Variants in CDH6 observed in about 807,000 individuals in gnomAD.
CDH6 encodes the protein cadherin 6, also known as cadherin-6.
A neutral mutation model predicts 78.0 loss-of-function variants in CDH6; 31 were observed. That is an observed-to-expected ratio of 0.40 (90% CI 0.30 to 0.54). CDH6 has a LOEUF of 0.54. Ranked by LOEUF, CDH6 falls within the 20% of genes least tolerant of loss-of-function variation. The probability of loss-of-function intolerance (pLI) is 0.56; values close to 1 mark genes in which losing one functional copy is unlikely to be tolerated. For synonymous variants in CDH6, 376 were observed against 368.8 expected (o/e 1.02, Z -0.23); for missense variants, 724 against 975.9 (o/e 0.74, Z 3.44).
intron 1 of CDH6, among the ~76,000 whole-genome samples, chr5:31,252,359 A>G (rs1741934479): frequency 1.2e-5 from 1 of 81,300 alleles, no homozygotes; most frequent in Non-Finnish European, 2.7e-5. Context: ...GTGTATTTTT[A>G]TTAATCATAA....
In CDH6 at chr5:31,327,559, C is replaced by G. The variant is rs1738648876; in HGVS notation, c.*4251C>G. The G allele has an allele frequency of 5.1e-6, 1 of 194,622 alleles. No homozygotes were observed. The highest frequency in any genetic ancestry group is 6.1e-5 in the Admixed American group (1 of 16,384). 12.1% of individuals were successfully genotyped at this position (194,622 alleles called of 1,614,324 possible). ...TACTGTGTTTAAATTAACACCACAA[C>G]CTTCCTTATCAGATTATAAGAGTAG... On this transcript the variant is annotated 3_prime_UTR_variant, in exon 12 of 12. Coordinates refer to ENST00000265071, the MANE Select transcript of CDH6 (RefSeq NM_004932.4).
intron 1 of CDH6, chr5:31,251,840 A>T (rs1413591803): frequency 6.6e-6 from 1 of 152,216 alleles, no homozygotes; most frequent in African/African-American, 2.4e-5. Context: ...TTATAAATAA[A>T]TGTCAAGTTT....
chr5:31,318,367 T>G (rs1738388264), intron 11 of CDH6: 1 of 295,888 alleles, frequency 3.4e-6, no homozygotes, highest in East Asian at 4.9e-5. Context: ...GACTTTTCTC[T>G]CATCCTAGAA....
intron 7 of CDH6, among the ~76,000 whole-genome samples, chr5:31,309,248 G>A (rs181460458): frequency 6.6e-6 from 1 of 152,132 alleles, no homozygotes; most frequent in Admixed American, 6.5e-5. Context: ...AATGGCCTGT[G>A]ATAATTGAAT....
At chr5:31,252,328 G>GTGT (rs1554006112) in intron 1 of CDH6, among the ~76,000 whole-genome samples, 2 of 148,924 alleles carry the variant, frequency 1.3e-5, no homozygotes, top group Admixed American at 6.7e-5. Context: ...ATGTGTGTGT[G>GTGT]GTGTGTGTGT....
chr5:31,302,343 T>A (rs1737788815), intron 6 of CDH6, 45 bp downstream of exon 6: 1 of 1,413,136 alleles, frequency 7.1e-7, no homozygotes. Context: ...CCCATTTACT[T>A]TTCTCCAGTT....
At position 31,323,851 on chromosome 5, in the gene CDH6, A is replaced by G. The variant is rs913201356; in HGVS notation, c.*543A>G. On this transcript the variant is annotated 3_prime_UTR_variant, in exon 12 of 12. Coordinates refer to ENST00000265071, the MANE Select transcript of CDH6 (RefSeq NM_004932.4). ...TCAAGAACTTTCTCTGCCATCAACT[A>G]CTATTCAAAACCTCAAATCCACCCA... The G allele has an allele frequency of 1.3e-5, 3 of 230,260 alleles. No homozygotes were observed. The highest frequency in any genetic ancestry group is 6.6e-5 in the African/African-American group (3 of 45,200). 14.3% of individuals were successfully genotyped at this position (230,260 alleles called of 1,614,324 possible). A position where few individuals can be genotyped will look rare whatever the true frequency, so the allele number is the denominator to read the frequency against.
At chr5:31,295,285 C>T (rs147612301) in intron 3 of CDH6, among the ~76,000 whole-genome samples, 24 of 152,184 alleles carry the variant, frequency 1.6e-4, no homozygotes, top group Non-Finnish European at 2.6e-4. Flanking sequence ...TTCTTCACTG[C>T]TTATAGCAGC....
Position 31,205,726 on chromosome 5 carries a change from T to C in CDH6, c.-129+11840T>C, listed in dbSNP as rs572762629. On this transcript the variant is annotated intron_variant, in intron 1 of 11. Transcript: ENST00000265071. ...ATAAAACAATTGCTTATTTGCTAAGTGAATGACTTTTTTTTGCCTCTCATC... is the reference window on the plus strand; with the variant it reads ...ATAAAACAATTGCTTATTTGCTAAGCGAATGACTTTTTTTTGCCTCTCATC... 3.9e-4 allele frequency among the ~76,000 whole-genome samples: 60 copies of C among 152,338 alleles called. 1 individual carries two copies. The highest frequency in any genetic ancestry group is 1.4e-3 in the African/African-American group (59 of 41,584).
intron 2 of CDH6, among the ~76,000 whole-genome samples, chr5:31,272,545 T>C (rs1742556463): frequency 6.6e-6 from 1 of 152,206 alleles, no homozygotes. Context: ...CAGGTAGACG[T>C]AGATACAGAT....
intron 11 of CDH6, among the ~76,000 whole-genome samples, chr5:31,320,807 C>A (rs1220516810): frequency 6.6e-6 from 1 of 151,954 alleles, no homozygotes; most frequent in Non-Finnish European, 1.5e-5. Context: ...GGTGAAACCT[C>A]GTCTCTACTA....
chr5:31,228,217 T>C (rs545682681), intron 1 of CDH6, among the ~76,000 whole-genome samples: 2 of 152,356 alleles, frequency 1.3e-5, no homozygotes, highest in South Asian at 2.1e-4. Flanking sequence ...AGGACCTTTG[T>C]GGTTATATTG....
intron 2 of CDH6, among the ~76,000 whole-genome samples, chr5:31,272,910 T>G (rs1486942312): frequency 6.6e-6 from 1 of 152,200 alleles, no homozygotes; most frequent in Admixed American, 6.5e-5. Context: ...TAGGCTGTAT[T>G]TTTTTAAAAA....
At position 31,294,078 on chromosome 5, in the gene CDH6, G is replaced by A; in HGVS notation, c.345G>A (p.Arg115=). 6.2e-7 allele frequency: 1 copy of A among 1,613,798 alleles called. No individual in the cohort carries two copies. The highest frequency in any genetic ancestry group is 2.2e-5 in the East Asian group (1 of 44,852). ...CAGGCGACATACAGGCCACCAAGAG[G>A]CTGGACAGGGAAGAAAAACCCGTTT... ...ENTGDIQATK[R]LDREEKPVYI... The change falls in exon 3 of 12, where the codon AGG becomes AGA. Residue 115 remains arginine, a synonymous_variant. Transcript: ENST00000265071. This position sits in a 1 kb window ranked among gnomAD's most constrained non-coding sequence, Gnocchi z 4.1.
chr5:31,221,049 G>T (rs1024456925), intron 1 of CDH6, among the ~76,000 whole-genome samples: 1 of 152,186 alleles, frequency 6.6e-6, no homozygotes, highest in African/African-American at 2.4e-5. Flanking sequence ...CATTTAAATA[G>T]AAACCATGTA....
At chr5:31,214,763 A>C (rs1740818928) in intron 1 of CDH6, among the ~76,000 whole-genome samples, 1 of 152,216 alleles carries the variant, frequency 6.6e-6, no homozygotes, top group South Asian at 2.1e-4. Context: ...GAATGATTTC[A>C]TACTATAACA....
rs2937436 is a variant in CDH6 at position 31,325,615 on chromosome 5, G to A, written c.*2307G>A. ...CTGAAGTTGAGGATTGACACTAGCA[G>A]TTTCCAATGTTTAAAGGTAAGATCT... On this transcript the variant is annotated 3_prime_UTR_variant, in exon 12 of 12. Coordinates refer to ENST00000265071, the MANE Select transcript of CDH6 (RefSeq NM_004932.4). 0.57 allele frequency: 132,270 copies of A among 230,106 alleles called. 38,271 individuals are homozygous for A. The highest frequency in any genetic ancestry group is 0.73 in the South Asian group (4,004 of 5,492). The allele number at this position is 230,106 out of a possible 1,614,324, so 14.3% of individuals were successfully genotyped here.
At chr5:31,287,233 TACAGGATACCAGCATATAAGGGGC>T (rs1404626022) in intron 2 of CDH6, among the ~76,000 whole-genome samples, 1 of 152,140 alleles carries the variant, frequency 6.6e-6, no homozygotes, top group Non-Finnish European at 1.5e-5. Context: ...GACACAGGCC[TACAGGATACCAGCATATAAGGGGC>T]AGATAGAGGA....
intron 11 of CDH6, among the ~76,000 whole-genome samples, chr5:31,319,655 A>G (rs1019829025): frequency 7.2e-5 from 11 of 152,224 alleles, no homozygotes; most frequent in Non-Finnish European, 1.6e-4. Flanking sequence ...GGCGATTTCC[A>G]GGCCAAAAGA....
Sources: gnomAD v4.1 joint callset for allele counts (sites outside exome capture counted in the v4.1 genomes callset) on GRCh38, gnomAD v4.1.1 for gene constraint, Gnocchi (gnomAD v3.1) non-coding constraint, MANE v1.5 for transcripts, NCBI Gene and HGNC (gene_info 2026-07-23, HGNC 2026-07-21) for gene names.